Variants in PSKH2 observed in about 807,000 individuals in gnomAD.
The protein encoded by PSKH2 is protein serine kinase H2.
Under a neutral mutation model 22.5 loss-of-function variants are expected in PSKH2, and 16 were observed. The ratio of observed to expected loss-of-function variants is 0.71; its 90% CI spans 0.48 to 1.08. PSKH2 has a LOEUF of 1.08. Among genes scored for constraint, PSKH2 ranks in the 50% least tolerant of loss-of-function variants. The pLI, the probability that PSKH2 is intolerant of heterozygous loss-of-function variation, is 0.00. For synonymous variants in PSKH2, 188 were observed against 184.8 expected, an observed-to-expected ratio of 1.02 and a Z score of -0.14; for missense variants, 516 against 492.8, an observed-to-expected ratio of 1.05 and a Z score of -0.44.
chr8:86,056,507 A>T (rs913715924), intron 2 of PSKH2, among the ~76,000 whole-genome samples: 1 of 152,084 alleles, frequency 6.6e-6, no homozygotes, highest in Non-Finnish European at 1.5e-5. Context: ...TCTAACACTA[A>T]CCTTTCTTCA....
rs1300117168 is a variant in PSKH2 at position 86,048,374 on chromosome 8, G to A, written c.*88C>T. On this transcript the variant is annotated 3_prime_UTR_variant, in exon 3 of 3. Transcript: ENST00000276616. ...GATCAATAGTATCCAACAATACCAT[G>A]GAGTCCCGTGTCTTTGGAGCTTGAG... 8 of 920,688 alleles carry A rather than the reference G, an allele frequency of 8.7e-6. No individual in the cohort carries two copies. Among genetic ancestry groups the A allele is most frequent in the Admixed American group, 2.1e-5 (1 of 46,734 alleles). 57.0% of individuals were successfully genotyped at this position (920,688 alleles called of 1,614,324 possible).
At chr8:86,067,179 T>C (rs973019215) in intron 1 of PSKH2, among the ~76,000 whole-genome samples, 2 of 152,134 alleles carry the variant, frequency 1.3e-5, no homozygotes, top group Non-Finnish European at 1.5e-5. Flanking sequence ...GCTAGTAATT[T>C]GGCATTGGAG....
intron 2 of PSKH2, among the ~76,000 whole-genome samples, chr8:86,062,799 A>G (rs1420834086): frequency 6.6e-6 from 1 of 152,212 alleles, no homozygotes; most frequent in African/African-American, 2.4e-5. Context: ...TTCTAGATTC[A>G]TATTTTCAAA....
intron 2 of PSKH2, among the ~76,000 whole-genome samples, chr8:86,057,307 T>C (rs10955717): frequency 0.85 from 127,455 of 150,474 alleles, 54,143 homozygotes; most frequent in African/African-American, 0.91. Flanking sequence ...CACACACACA[T>C]ACACACAAAT....
At position 86,064,002 on chromosome 8, in the gene PSKH2, C is replaced by G. The variant is rs747926637; in HGVS notation, c.815G>C (p.Arg272Thr). 1 of 1,613,508 alleles carries G rather than the reference C, an allele frequency of 6.2e-7. No individual in the cohort carries two copies. The highest frequency in any genetic ancestry group is 1.1e-5 in the South Asian group (1 of 90,916). ...FDDESQTRLYRKILKGKYNYT... is the reference protein window; with the variant it reads ...FDDESQTRLYTKILKGKYNYT... Reference sequence around the variant, plus strand: ...ATTATATTTGCCTTTCAGAATCTTCCTGTAAAGCCTTGTCTGGCTTTCATC... The same window carrying G: ...ATTATATTTGCCTTTCAGAATCTTCGTGTAAAGCCTTGTCTGGCTTTCATC... The change falls in exon 2 of 3, where the codon AGG becomes ACG. Residue 272 changes from arginine (R) to threonine (T), a missense_variant. By Grantham distance (71) the Arg-to-Thr change is moderately conservative (BLOSUM62 -1). Coordinates refer to ENST00000276616, the MANE Select transcript of PSKH2 (RefSeq NM_033126.3).
At chr8:86,059,907 T>G (rs1442440487) in intron 2 of PSKH2, among the ~76,000 whole-genome samples, 1 of 152,180 alleles carries the variant, frequency 6.6e-6, no homozygotes. Flanking sequence ...AGCTGTCCTT[T>G]TGTGGAAAAG....
chr8:86,049,874 G>A (rs1817606289), intron 2 of PSKH2, among the ~76,000 whole-genome samples: 1 of 139,964 alleles, frequency 7.1e-6, no homozygotes, highest in African/African-American at 2.6e-5. Flanking sequence ...AGGAAAGGAG[G>A]GAGGGAGGGA....
chr8:86,064,375 G>C lies in PSKH2; in HGVS notation c.442C>G (p.Arg148Gly), dbSNP rs150513341. ...GTAAAGGATCCCTGAGCAATGAGTC[G>C]ATCAAAGAGCTCCCCTCCGGTAGCC... ...ELATGGELFD[R>G]LIAQGSFTER... The change falls in exon 2 of 3, where the codon CGA becomes GGA. Residue 148 changes from arginine to glycine, a missense_variant. Transcript: ENST00000276616. 6.2e-7 allele frequency: 1 copy of C among 1,614,074 alleles called. No homozygotes were observed. The highest frequency in any genetic ancestry group is 8.5e-7 in the Non-Finnish European group (1 of 1,180,028).
At chr8:86,049,071 A>G (rs1471300518) in intron 2 of PSKH2, among the ~76,000 whole-genome samples, 1 of 152,186 alleles carries the variant, frequency 6.6e-6, no homozygotes, top group African/African-American at 2.4e-5. Flanking sequence ...GTTGTTATCA[A>G]TACGAGTTCC....
chr8:86,066,837 TC>T (rs1404149041), intron 1 of PSKH2, among the ~76,000 whole-genome samples: 1 of 152,218 alleles, frequency 6.6e-6, no homozygotes, highest in Non-Finnish European at 1.5e-5. Flanking sequence ...AATTTAGTAA[TC>T]TTAAATAGAT....
chr8:86,059,574 C>A (rs143512253), intron 2 of PSKH2, among the ~76,000 whole-genome samples: 4 of 152,204 alleles, frequency 2.6e-5, no homozygotes, highest in African/African-American at 9.7e-5. Context: ...TATCTCTTCT[C>A]TCTAGCTTTG....
rs1471466930 is a variant in PSKH2, at chr8:86,064,006, A to G, written c.811T>C (p.Tyr271His). The G allele has an allele frequency of 1.9e-6, 3 of 1,613,624 alleles. No homozygotes were observed. The highest frequency in any genetic ancestry group is 2.2e-5 in the East Asian group (1 of 44,888). ...TATTTGCCTTTCAGAATCTTCCTGT[A>G]AAGCCTTGTCTGGCTTTCATCATCA... is the stretch of plus-strand genomic sequence containing the variant. ...PFDDESQTRL[Y>H]RKILKGKYNY... Residue 271 changes from tyrosine (Y) to histidine (H), a missense_variant, in exon 2 of 3, where the codon TAC (tyrosine) becomes CAC (histidine). Coordinates refer to ENST00000276616, the MANE Select transcript of PSKH2 (RefSeq NM_033126.3).
chr8:86,059,835 C>T (rs570285916), intron 2 of PSKH2, among the ~76,000 whole-genome samples: 5 of 152,274 alleles, frequency 3.3e-5, no homozygotes, highest in Admixed American at 2.6e-4. Context: ...CCAAAATATA[C>T]TTCTTTGGCA....
At chr8:86,060,048 A>G (rs1037295778) in intron 2 of PSKH2, among the ~76,000 whole-genome samples, 76 of 152,220 alleles carry the variant, frequency 5.0e-4, no homozygotes, top group African/African-American at 1.8e-3. Flanking sequence ...TGACAGTATT[A>G]AAGTTCCAAC....
rs180805000 is a variant in PSKH2 at position 86,066,138 on chromosome 8, T to C, written c.186-1507A>G. On this transcript the variant is annotated intron_variant, in intron 1 of 2. Transcript: ENST00000276616. The stretch of plus-strand genomic sequence containing the variant: ...TTCTTGTTTTACTGATGAGGAAATT[T>C]GAAGACCACATTAGCCAATTGGTTG... Among the ~76,000 whole-genome samples, 21 of 152,038 alleles carry C rather than the reference T, an allele frequency of 1.4e-4. 1 individual carries two copies. In the East Asian group the frequency reaches 3.5e-3, roughly 25 times the overall value.
chr8:86,069,816 C>A, upstream of PSKH2: 1 of 588,506 alleles, frequency 1.7e-6, no homozygotes, highest in Non-Finnish European at 2.8e-6. Flanking sequence ...CGCTGGTCAC[C>A]GTCTGTGTGT....
intron 2 of PSKH2, among the ~76,000 whole-genome samples, chr8:86,059,836 T>C (rs1015640303): frequency 6.6e-5 from 10 of 152,276 alleles, no homozygotes; most frequent in East Asian, 1.9e-4. Context: ...CAAAATATAC[T>C]TCTTTGGCAT....
chr8:86,050,696 A>G (rs1490135041), intron 2 of PSKH2, among the ~76,000 whole-genome samples: 1 of 152,208 alleles, frequency 6.6e-6, no homozygotes, highest in South Asian at 2.1e-4. Context: ...CAAAAGAGAA[A>G]CATTGAGAAA....
chr8:86,050,599 G>C (rs1390586188), intron 2 of PSKH2, among the ~76,000 whole-genome samples: 1 of 152,126 alleles, frequency 6.6e-6, no homozygotes, highest in Non-Finnish European at 1.5e-5. Context: ...ACTATATTTT[G>C]TGCCTCAGCC....
Sources: gnomAD v4.1 joint callset for allele counts (sites outside exome capture counted in the v4.1 genomes callset) on GRCh38, gnomAD v4.1.1 for gene constraint, MANE v1.5 for transcripts, NCBI Gene and HGNC (gene_info 2026-07-23, HGNC 2026-07-21) for gene names.